CNOT1: variants seen among roughly 807,000 people sequenced by gnomAD.
CNOT1 encodes the protein CCR4-NOT transcription complex subunit 1.
CNOT1 carries 15 observed loss-of-function variants against 273.8 expected under a neutral mutation model. That is an observed-to-expected ratio of 0.05 (90% CI 0.04 to 0.08). The LOEUF (loss-of-function observed/expected upper bound fraction) is 0.08. Among genes scored for constraint, CNOT1 ranks in the 10% least tolerant of loss-of-function variants. The pLI is 1.00. For synonymous variants in CNOT1, 1,022 were observed against 1,005.5 expected (o/e 1.02, Z -0.31); for missense variants, 1,644 against 2,912.2 (o/e 0.56, Z 10.02).
rs750252179 is a variant in CNOT1 at position 58,587,427 on chromosome 16, A to T, written c.310-14T>A. 1 of 1,610,856 alleles carries T rather than the reference A, an allele frequency of 6.2e-7. No homozygotes were observed. Among genetic ancestry groups the T allele is most frequent in the Non-Finnish European group, 8.5e-7 (1 of 1,179,592 alleles). ...AGGCTTTAAACTCTGAAACAAACCA[A>T]ATTTTAGTTTAAAATAAGAACTTAC... On this transcript the variant is annotated splice_polypyrimidine_tract_variant and intron_variant, in intron 4 of 48. Coordinates refer to ENST00000317147, the MANE Select transcript of CNOT1 (RefSeq NM_016284.5).
chr16:58,551,231 G>A lies in CNOT1; in HGVS notation c.3243C>T (p.Ala1081=), dbSNP rs1018902038. ...NTTNIDTLLV[A]TDQTERIVEP... The stretch of plus-strand genomic sequence containing the variant: ...CCACAATTCTCTCAGTTTGATCTGT[G>A]GCCACAAGCAACGTATCTATATTTG... Residue 1081 remains alanine (A), a synonymous_variant, in exon 24 of 49, where the codon GCC becomes GCT. Coordinates refer to ENST00000317147, the MANE Select transcript of CNOT1 (RefSeq NM_016284.5). 3.4e-5 allele frequency: 55 copies of A among 1,603,746 alleles called. No individual in the cohort carries two copies. Among genetic ancestry groups the A allele is most frequent in the Non-Finnish European group, 3.5e-5 (41 of 1,177,612 alleles).
At chr16:58,571,632 C>T (rs533692047) in intron 16 of CNOT1, among the ~76,000 whole-genome samples, 3 of 152,042 alleles carry the variant, frequency 2.0e-5, no homozygotes, top group Non-Finnish European at 4.4e-5. Context: ...AAAACAAAGC[C>T]CCAAACACCT....
intron 1 of CNOT1, among the ~76,000 whole-genome samples, chr16:58,599,925 T>C (rs977830856): frequency 2.6e-5 from 4 of 151,258 alleles, no homozygotes; most frequent in African/African-American, 9.8e-5. Flanking sequence ...TAGCCAGGCA[T>C]GGTGGTGCAC....
chr16:58,563,757 A>C (rs535449320), intron 16 of CNOT1, among the ~76,000 whole-genome samples: 4 of 152,366 alleles, frequency 2.6e-5, no homozygotes, highest in African/African-American at 7.2e-5. Context: ...GTGGGGAAAT[A>C]GATGCAATAA....
At chr16:58,623,814 C>T (rs1372594372) in intron 1 of CNOT1, among the ~76,000 whole-genome samples, 1 of 151,994 alleles carries the variant, frequency 6.6e-6, no homozygotes, top group Admixed American at 6.6e-5. Flanking sequence ...CATGATGAAA[C>T]CCCATCTCTA....
chr16:58,582,946 T>G (rs369229930), intron 9 of CNOT1, 43 bp from the exon 10 acceptor site: 4 of 1,613,300 alleles, frequency 2.5e-6, no homozygotes, highest in Non-Finnish European at 3.4e-6. Context: ...AACTACTCCA[T>G]GTGTTCACTT....
chr16:58,541,226 T>A (rs889159521), intron 34 of CNOT1, among the ~76,000 whole-genome samples: 9 of 151,984 alleles, frequency 5.9e-5, no homozygotes, highest in African/African-American at 1.4e-4. Flanking sequence ...TAATAAAATT[T>A]AAAAATAAAA....
At chr16:58,536,144 AC>A (rs2151909659) in intron 39 of CNOT1, among the ~76,000 whole-genome samples, 1 of 152,334 alleles carries the variant, frequency 6.6e-6, no homozygotes, top group South Asian at 2.1e-4. Context: ...TTAGCAATAT[AC>A]CTAAAAGTTT....
At chr16:58,613,196 T>A (rs1030554499) in intron 1 of CNOT1, among the ~76,000 whole-genome samples, 11 of 152,078 alleles carry the variant, frequency 7.2e-5, no homozygotes, top group African/African-American at 2.7e-4. Context: ...CACGCCCAGC[T>A]AATTTTTTTT....
chr16:58,553,867 A>G lies in CNOT1; in HGVS notation c.2892-7T>C, dbSNP rs778944126. Reference sequence around the variant, plus strand: ...CTGGGGATAGTCCTTCAATCTGCCAACAAAATTATTCTACCATCATTTCAT... The same window carrying G: ...CTGGGGATAGTCCTTCAATCTGCCAGCAAAATTATTCTACCATCATTTCAT... On this transcript the variant is annotated splice_region_variant and splice_polypyrimidine_tract_variant and intron_variant, in intron 21 of 48. Coordinates refer to ENST00000317147, the MANE Select transcript of CNOT1 (RefSeq NM_016284.5). 2 of 1,605,332 alleles carry G rather than the reference A, an allele frequency of 1.2e-6. No individual in the cohort carries two copies. Among genetic ancestry groups the G allele is most frequent in the Non-Finnish European group, 1.7e-6 (2 of 1,177,846 alleles).
intron 30 of CNOT1, 47 bp from the exon 31 acceptor site, chr16:58,543,950 A>G (rs2040173180): frequency 6.6e-7 from 1 of 1,520,636 alleles, no homozygotes; most frequent in Non-Finnish European, 8.8e-7. Context: ...TAAATAAGAC[A>G]ATCCAATTCC....
At chr16:58,582,404 G>C (rs2041688585) in intron 10 of CNOT1, among the ~76,000 whole-genome samples, 2 of 152,200 alleles carry the variant, frequency 1.3e-5, no homozygotes, top group Admixed American at 1.3e-4. Context: ...GAGCCCAGGA[G>C]TTAAAGTCCA....
At chr16:58,624,363 C>T (rs1330216243) in intron 1 of CNOT1, among the ~76,000 whole-genome samples, 1 of 152,230 alleles carries the variant, frequency 6.6e-6, no homozygotes, top group Non-Finnish European at 1.5e-5. Context: ...AATTATCCTA[C>T]ATGGTTGCAA....
chr16:58,531,191 T>C (rs149812283), intron 42 of CNOT1, among the ~76,000 whole-genome samples: 4 of 152,328 alleles, frequency 2.6e-5, no homozygotes, highest in Non-Finnish European at 5.9e-5. Flanking sequence ...ATTTAATATG[T>C]TGTGTTCCTT....
intron 1 of CNOT1, among the ~76,000 whole-genome samples, chr16:58,624,450 T>C (rs545683743): frequency 6.6e-6 from 1 of 152,374 alleles, no homozygotes; most frequent in African/African-American, 2.4e-5. Context: ...GGTTAGTTAA[T>C]GCTGTGTTTT....
chr16:58,606,388 CT>C (rs200216480), intron 1 of CNOT1, among the ~76,000 whole-genome samples: 2 of 63,804 alleles, frequency 3.1e-5, no homozygotes, highest in Non-Finnish European at 3.3e-5. Context: ...GACCCCGTCC[CT>C]TAAAAAAACA....
At position 58,587,368 on chromosome 16, in the gene CNOT1, G is replaced by C; in HGVS notation, c.355C>G (p.Leu119Val). 6.2e-7 allele frequency: 1 copy of C among 1,613,900 alleles called. No individual in the cohort carries two copies. The highest frequency in any genetic ancestry group is 1.1e-5 in the South Asian group (1 of 91,082). The change falls in exon 5 of 49, where the codon CTC (leucine) becomes GTC (valine). Residue 119 changes from leucine (L) to valine (V), a missense_variant. Leu to Val is a conservative substitution (Grantham distance 32). Around this residue, in one of 13 missense-constraint regions of CNOT1, gnomAD observed 706 missense variants for 1,021.2 expected, o/e 0.69. Transcript: ENST00000317147. ...ACCTCTTGTACTTTGCTTAATTTGA[G>C]CACTTTACTCAGCTGGGCAAATAAG... ...PHLFAQLSKV[L>V]KLSKVQEVIF... is the part of the protein sequence containing the mutation.
At chr16:58,620,281 A>G (rs1221603103) in intron 1 of CNOT1, among the ~76,000 whole-genome samples, 5 of 152,200 alleles carry the variant, frequency 3.3e-5, no homozygotes, top group African/African-American at 1.2e-4. Flanking sequence ...TTAGGTATTT[A>G]TAGACAGTAC....
intron 8 of CNOT1, among the ~76,000 whole-genome samples, chr16:58,583,871 A>T (rs947986915): frequency 6.6e-6 from 1 of 151,962 alleles, no homozygotes. Context: ...AAACAATTTT[A>T]AAAAATCAGT....
Sources: gnomAD v4.1 joint callset for allele counts (sites outside exome capture counted in the v4.1 genomes callset) on GRCh38, gnomAD v4.1.1 for gene constraint, gnomAD v4.1.1 regional missense constraint, MANE v1.5 for transcripts, NCBI Gene and HGNC (gene_info 2026-07-23, HGNC 2026-07-21) for gene names.